Variants in C10orf67 observed in about 807,000 individuals in gnomAD.
C10orf67 encodes chromosome 10 open reading frame 67, also known as uncharacterized protein C10orf67, mitochondrial.
A neutral mutation model predicts 35.6 loss-of-function variants in C10orf67; 60 were observed. The ratio of observed to expected loss-of-function variants is 1.68; its 90% CI spans 1.37 to 2.09. The LOEUF is 2.09. C10orf67 is among the 30% of genes most tolerant of loss of function. The pLI is 0.00. For synonymous variants in C10orf67, 167 were observed against 115.8 expected, an observed-to-expected ratio of 1.44 and a Z score of -2.84; for missense variants, 474 against 330.2, an observed-to-expected ratio of 1.44 and a Z score of -3.38.
intron 12 of C10orf67, among the ~76,000 whole-genome samples, chr10:23,249,452 C>T (rs1056510645): frequency 2.6e-5 from 4 of 152,168 alleles, no homozygotes; most frequent in African/African-American, 9.7e-5. Flanking sequence ...CTTATCAGCA[C>T]ATACACGAAA....
At chr10:23,221,507 C>T (rs1398030127) in intron 15 of C10orf67, among the ~76,000 whole-genome samples, 2 of 152,242 alleles carry the variant, frequency 1.3e-5, no homozygotes, top group Non-Finnish European at 1.5e-5. Flanking sequence ...GGTACTCAAC[C>T]TTGTAAAGTA....
At chr10:23,262,573 G>C (rs1011833175) in intron 10 of C10orf67, among the ~76,000 whole-genome samples, 1 of 152,044 alleles carries the variant, frequency 6.6e-6, no homozygotes, top group African/African-American at 2.4e-5. Context: ...TTTACATTAC[G>C]CTCAAACCTA....
At chr10:23,214,864 A>T (rs1374738885) in intron 15 of C10orf67, among the ~76,000 whole-genome samples, 1 of 152,092 alleles carries the variant, frequency 6.6e-6, no homozygotes, top group African/African-American at 2.4e-5. Flanking sequence ...CTCTACTAAA[A>T]ATATAAAAAT....
intron 8 of C10orf67, among the ~76,000 whole-genome samples, chr10:23,274,050 G>C (rs11593152): frequency 0.015 from 2,316 of 152,236 alleles, 22 homozygotes; most frequent in Admixed American, 0.025. Context: ...GGACCGTGAT[G>C]GCGCCCCCGA....
At chr10:23,267,285 A>G (rs1289514359) in intron 8 of C10orf67, 31 bp from the exon 9 acceptor site, 2 of 684,774 alleles carry the variant, frequency 2.9e-6, no homozygotes, top group Non-Finnish European at 5.3e-6. Flanking sequence ...ATCATTGGTT[A>G]TTATCTGCAA....
chr10:23,272,050 G>A (rs1430101578), intron 8 of C10orf67, among the ~76,000 whole-genome samples: 2 of 152,110 alleles, frequency 1.3e-5, no homozygotes, highest in Non-Finnish European at 2.9e-5. Context: ...TGAAGTATCT[G>A]AGACTACAGG....
intron 12 of C10orf67, among the ~76,000 whole-genome samples, chr10:23,249,042 A>G (rs973086418): frequency 2.0e-5 from 3 of 149,056 alleles, no homozygotes; most frequent in Admixed American, 6.8e-5. Flanking sequence ...TGGCTGGAGA[A>G]TCGCTTGAAC....
chr10:23,325,561 A>C (rs981924134), intron 2 of C10orf67, among the ~76,000 whole-genome samples: 1 of 151,510 alleles, frequency 6.6e-6, no homozygotes, highest in Non-Finnish European at 1.5e-5. Flanking sequence ...AAACAAAAAA[A>C]CAAAACCAAT....
chr10:23,334,927 G>T (rs1845617577), intron 1 of C10orf67, among the ~76,000 whole-genome samples: 1 of 152,162 alleles, frequency 6.6e-6, no homozygotes. Flanking sequence ...AGTGGCTCAT[G>T]CCTATAATCT....
chr10:23,204,225 G>C lies in C10orf67; in HGVS notation c.1601C>G (p.Ser534Cys). 1 of 653,802 alleles carries C rather than the reference G, an allele frequency of 1.5e-6. No homozygotes were observed. Among genetic ancestry groups the C allele is most frequent in the Non-Finnish European group, 2.9e-6 (1 of 349,866 alleles). 40.5% of individuals were successfully genotyped at this position (653,802 alleles called of 1,614,324 possible). ...CTGGCGCATGGAGGGCTCCTCCAAG[G>C]ACTCTTCTTTTGGGGATTCCGACAA... Reference protein sequence around the residue: ...GKLSESPKEESLEEPSMRQSS... With the variant: ...GKLSESPKEECLEEPSMRQSS... The change falls in exon 16 of 16, where the codon TCC becomes TGC. Residue 534 changes from serine to cysteine, a missense_variant. Coordinates refer to ENST00000636213, the MANE Select transcript of C10orf67 (RefSeq NM_001371909.1).
At chr10:23,322,894 A>G (rs2132345357) in intron 2 of C10orf67, among the ~76,000 whole-genome samples, 1 of 152,282 alleles carries the variant, frequency 6.6e-6, no homozygotes, top group Middle Eastern at 3.4e-3. Context: ...ATTATGATAG[A>G]GAGTAAAGGT....
chr10:23,230,190 A>G (rs1430397448), intron 13 of C10orf67, among the ~76,000 whole-genome samples: 2 of 152,160 alleles, frequency 1.3e-5, no homozygotes, highest in African/African-American at 4.8e-5. Context: ...TAATAATGAC[A>G]GGTGGAATTA....
At chr10:23,246,369 A>C (rs1219959937) in intron 12 of C10orf67, among the ~76,000 whole-genome samples, 1 of 152,342 alleles carries the variant, frequency 6.6e-6, no homozygotes, top group Non-Finnish European at 1.5e-5. Flanking sequence ...TAGAAAGGAA[A>C]AAAATGTTTT....
At chr10:23,334,073 C>A (rs779860252) in intron 1 of C10orf67, among the ~76,000 whole-genome samples, 1 of 152,070 alleles carries the variant, frequency 6.6e-6, no homozygotes, top group African/African-American at 2.4e-5. Context: ...TTTAAATTTC[C>A]AATCTGGCAA....
At chr10:23,247,848 G>A (rs11592314) in intron 12 of C10orf67, among the ~76,000 whole-genome samples, 3 of 152,116 alleles carry the variant, frequency 2.0e-5, no homozygotes, top group Non-Finnish European at 4.4e-5. Context: ...AACAGGGACC[G>A]TGAAGCCACT....
At chr10:23,308,188 G>A (rs1275851758) in intron 4 of C10orf67, among the ~76,000 whole-genome samples, 1 of 151,972 alleles carries the variant, frequency 6.6e-6, no homozygotes, top group Non-Finnish European at 1.5e-5. Context: ...AATCAAACTT[G>A]TTCGATCTAC....
chr10:23,285,884 G>A (rs938381792), intron 7 of C10orf67, among the ~76,000 whole-genome samples: 1 of 152,222 alleles, frequency 6.6e-6, no homozygotes, highest in African/African-American at 2.4e-5. Context: ...GTGGCCAAGG[G>A]CCACCATGGC....
chr10:23,315,435 T>G (rs945456980), intron 4 of C10orf67, among the ~76,000 whole-genome samples: 1 of 152,110 alleles, frequency 6.6e-6, no homozygotes, highest in Non-Finnish European at 1.5e-5. Flanking sequence ...TTTTGTTTTT[T>G]GTTTGTTTGT....
At chr10:23,219,693 C>A (rs570390637) in intron 15 of C10orf67, among the ~76,000 whole-genome samples, 133 of 152,198 alleles carry the variant, frequency 8.7e-4, no homozygotes, top group African/African-American at 3.1e-3. Context: ...ATTTTTAGAA[C>A]TTGCAACATA....
Sources: gnomAD v4.1 joint callset for allele counts (sites outside exome capture counted in the v4.1 genomes callset) on GRCh38, gnomAD v4.1.1 for gene constraint, MANE v1.5 for transcripts, NCBI Gene and HGNC (gene_info 2026-07-23, HGNC 2026-07-21) for gene names.